Variants in CNTNAP2 observed in about 807,000 individuals in gnomAD.
The protein encoded by CNTNAP2 is contactin-associated protein-like 2.
A neutral mutation model predicts 155.2 loss-of-function variants in CNTNAP2; 98 were observed. The ratio of observed to expected loss-of-function variants is 0.63; its 90% CI spans 0.54 to 0.75. The LOEUF (loss-of-function observed/expected upper bound fraction) is 0.75. Among genes scored for constraint, CNTNAP2 ranks in the 30% least tolerant of loss-of-function variants. CNTNAP2 has a pLI of 0.00. For missense variants in CNTNAP2, 1,727 were observed against 1,688.1 expected, an observed-to-expected ratio of 1.02 and a Z score of -0.40; for synonymous variants, 651 against 631.2, an observed-to-expected ratio of 1.03 and a Z score of -0.47.
intron 3 of CNTNAP2, among the ~76,000 whole-genome samples, chr7:146,932,347 C>A (rs960065886): frequency 3.3e-5 from 5 of 151,828 alleles, no homozygotes; most frequent in African/African-American, 1.2e-4. Flanking sequence ...ACATGATTAT[C>A]TCAATAGATG....
At chr7:146,411,837 TATTTATTTA>T (rs1264286811) in intron 1 of CNTNAP2, among the ~76,000 whole-genome samples, 1 of 122,454 alleles carries the variant, frequency 8.2e-6, no homozygotes, top group Non-Finnish European at 1.6e-5. Flanking sequence ...CTTATTTATT[TATTTATTTA>T]TTTTATTTGA....
chr7:148,047,073 C>T (rs961940858), intron 15 of CNTNAP2, among the ~76,000 whole-genome samples: 8 of 152,134 alleles, frequency 5.3e-5, no homozygotes, highest in Non-Finnish European at 8.8e-5. Context: ...CTACCTTTCT[C>T]GAAACCAGGC....
At chr7:147,392,808 C>T (rs778257168) in intron 9 of CNTNAP2, among the ~76,000 whole-genome samples, 10 of 151,832 alleles carry the variant, frequency 6.6e-5, no homozygotes, top group Middle Eastern at 3.2e-3. Context: ...CATCAATCAA[C>T]GAGTGGATAA....
In CNTNAP2 at chr7:146,722,310, C is replaced by T. The variant is rs567287299; in HGVS notation, c.98-51961C>T. ...TTGGGTGACCATTGGCCTTTTGTGT[C>T]CTGTGATGGGTAGGGCTTGGCCTAG... On this transcript the variant is annotated intron_variant, in intron 1 of 23. Coordinates refer to ENST00000361727, the MANE Select transcript of CNTNAP2 (RefSeq NM_014141.6). 1.6e-4 allele frequency among the ~76,000 whole-genome samples: 25 copies of T among 152,138 alleles called. No individual in the cohort carries two copies. In the East Asian group the frequency reaches 4.6e-3, roughly 28 times the overall value.
At chr7:146,724,816 G>A (rs1801402774) in intron 1 of CNTNAP2, among the ~76,000 whole-genome samples, 1 of 152,048 alleles carries the variant, frequency 6.6e-6, no homozygotes, top group Non-Finnish European at 1.5e-5. Flanking sequence ...TGATGCACCT[G>A]CCTTGGCCTC....
chr7:146,910,774 G>A (rs1796256006), intron 3 of CNTNAP2, among the ~76,000 whole-genome samples: 1 of 148,490 alleles, frequency 6.7e-6, no homozygotes, highest in South Asian at 2.1e-4. Flanking sequence ...AACACCAAAA[G>A]CAATGGCAAC....
intron 1 of CNTNAP2, among the ~76,000 whole-genome samples, chr7:146,506,853 A>G (rs1334708168): frequency 6.6e-6 from 1 of 152,216 alleles, no homozygotes; most frequent in African/African-American, 2.4e-5. Flanking sequence ...CAGTCCAGGC[A>G]GCAGTAGCAC....
At chr7:146,823,668 A>T (rs369443020) in intron 2 of CNTNAP2, among the ~76,000 whole-genome samples, 2 of 151,842 alleles carry the variant, frequency 1.3e-5, no homozygotes, top group Non-Finnish European at 2.9e-5. Flanking sequence ...AAATATGAGT[A>T]TACTCATTCT....
At chr7:147,991,634 T>C (rs906553161) in intron 15 of CNTNAP2, among the ~76,000 whole-genome samples, 1 of 152,184 alleles carries the variant, frequency 6.6e-6, no homozygotes, top group African/African-American at 2.4e-5. Flanking sequence ...CAATTCTAAA[T>C]TAAGATGCAC....
intron 15 of CNTNAP2, among the ~76,000 whole-genome samples, chr7:147,985,726 A>G (rs986800810): frequency 6.6e-6 from 1 of 152,182 alleles, no homozygotes; most frequent in African/African-American, 2.4e-5. Context: ...GTATATTCTC[A>G]GTAGTATCAC....
At chr7:146,665,783 T>TAAAAAAACAAAAAAACAAAAAAAAAAA (rs1554464843) in intron 1 of CNTNAP2, among the ~76,000 whole-genome samples, 1 of 48,282 alleles carries the variant, frequency 2.1e-5, no homozygotes, top group African/African-American at 1.1e-4. Context: ...TCTGTCTCAT[T>TAAAAAAACAAAAAAACAAAAAAAAAAA]AAAAAAAAAA....
intron 10 of CNTNAP2, among the ~76,000 whole-genome samples, chr7:147,403,606 T>G (rs1372594180): frequency 6.6e-6 from 1 of 152,216 alleles, no homozygotes; most frequent in East Asian, 1.9e-4. Flanking sequence ...GTTTGGCTTT[T>G]ATGTCTTAAC....
intron 3 of CNTNAP2, among the ~76,000 whole-genome samples, chr7:146,982,518 T>C (rs1283764304): frequency 2.6e-5 from 4 of 152,168 alleles, no homozygotes; most frequent in African/African-American, 9.7e-5. Context: ...AGTCAATTAG[T>C]AGCCGCCAGA....
intron 1 of CNTNAP2, among the ~76,000 whole-genome samples, chr7:146,368,684 C>CTCAGTTTTCACAAAGTCATTTCACATT (rs1563057627): frequency 2.0e-5 from 3 of 151,882 alleles, no homozygotes; most frequent in Non-Finnish European, 1.5e-5. Context: ...GATAAGTGTC[C>CTCAGTTTTCACAAAGTCATTTCACATT]CAGTGAGTCC....
At chr7:147,565,841 C>G (rs774493844) in intron 12 of CNTNAP2, among the ~76,000 whole-genome samples, 3 of 151,998 alleles carry the variant, frequency 2.0e-5, no homozygotes, top group Non-Finnish European at 4.4e-5. Context: ...AACTGAGATG[C>G]AAATTTTACA....
At chr7:146,686,400 G>T (rs1380727381) in intron 1 of CNTNAP2, among the ~76,000 whole-genome samples, 10 of 152,026 alleles carry the variant, frequency 6.6e-5, no homozygotes, top group Admixed American at 6.6e-4. Flanking sequence ...TATTTCCATG[G>T]CTACTTCCGA....
At chr7:146,685,432 G>T (rs557525471) in intron 1 of CNTNAP2, among the ~76,000 whole-genome samples, 20 of 152,260 alleles carry the variant, frequency 1.3e-4, no homozygotes, top group Non-Finnish European at 2.5e-4. Context: ...TATCATTAGG[G>T]TTTTGGTTCA....
chr7:146,655,057 T>A (rs1437572848), intron 1 of CNTNAP2, among the ~76,000 whole-genome samples: 1 of 152,136 alleles, frequency 6.6e-6, no homozygotes, highest in East Asian at 1.9e-4. Flanking sequence ...AATTATAAAT[T>A]TATAAGCCTA....
intron 4 of CNTNAP2, among the ~76,000 whole-genome samples, chr7:147,084,445 CATATATGCATAATGCTATATATGTATAT>C (rs1187601617): frequency 5.3e-5 from 7 of 132,902 alleles, no homozygotes; most frequent in African/African-American, 1.9e-4. Flanking sequence ...ATATATAATA[CATATATGCATAATGCTATATATGTATAT>C]ACACATATAT....
Sources: gnomAD v4.1 joint callset for allele counts (sites outside exome capture counted in the v4.1 genomes callset) on GRCh38, gnomAD v4.1.1 for gene constraint, MANE v1.5 for transcripts, NCBI Gene and HGNC (gene_info 2026-07-23, HGNC 2026-07-21) for gene names.